LAMA2: variants seen among roughly 807,000 people sequenced by gnomAD.
LAMA2 encodes the protein laminin subunit alpha 2.
A neutral mutation model predicts 364.8 loss-of-function variants in LAMA2; 269 were observed. That is an observed-to-expected ratio of 0.74 (90% CI 0.67 to 0.82). LAMA2 has a LOEUF of 0.82. Among genes scored for constraint, LAMA2 ranks in the 40% least tolerant of loss-of-function variants. The probability of loss-of-function intolerance (pLI) is 0.00; values close to 1 mark genes in which losing one functional copy is unlikely to be tolerated. For synonymous variants in LAMA2, 1,379 were observed against 1,370.6 expected, an observed-to-expected ratio of 1.01 and a Z score of -0.14; for missense variants, 3,807 against 3,873.2, an observed-to-expected ratio of 0.98 and a Z score of 0.45.
At chr6:129,486,949 C>T (rs568870303) in intron 56 of LAMA2, among the ~76,000 whole-genome samples, 1 of 152,322 alleles carries the variant, frequency 6.6e-6, no homozygotes, top group East Asian at 1.9e-4. Context: ...AAGGTATGCA[C>T]ACAGCAAAAC....
At chr6:129,254,744 G>T (rs892732112) in intron 14 of LAMA2, among the ~76,000 whole-genome samples, 1 of 152,150 alleles carries the variant, frequency 6.6e-6, no homozygotes, top group Non-Finnish European at 1.5e-5. Flanking sequence ...CTTCTTTTAA[G>T]AATATAAGAG....
At chr6:128,991,815 G>T (rs1460104380) in intron 1 of LAMA2, among the ~76,000 whole-genome samples, 1 of 152,122 alleles carries the variant, frequency 6.6e-6, no homozygotes, top group Non-Finnish European at 1.5e-5. Flanking sequence ...ATCTGTACAT[G>T]TGTTTAATTT....
Position 129,287,991 on chromosome 6 carries a change from A to C in LAMA2, c.2682A>C (p.Thr894=). The change falls in exon 19 of 65, where the codon ACA becomes ACC. Residue 894 remains threonine, a synonymous_variant. Coordinates refer to ENST00000421865, the MANE Select transcript of LAMA2 (RefSeq NM_000426.4). ...GSCLICKPGT[T]GRYCELCADG... Reference sequence around the variant, plus strand: ...GTCTGATATGTAAACCAGGTACAACAGGCCGGTACTGTGAGCTCTGTGCTG... The same window carrying C: ...GTCTGATATGTAAACCAGGTACAACCGGCCGGTACTGTGAGCTCTGTGCTG... 2 of 1,614,120 alleles carry C rather than the reference A, an allele frequency of 1.2e-6. No individual in the cohort carries two copies. The highest frequency in any genetic ancestry group is 2.2e-5 in the East Asian group (1 of 44,886).
At chr6:129,047,330 C>T (rs9375611) in intron 1 of LAMA2, among the ~76,000 whole-genome samples, 144,941 of 152,330 alleles carry the variant, frequency 0.95, 69,035 homozygotes, top group East Asian at 0.97. Context: ...TTATGTCACA[C>T]TGACAGAATG....
chr6:129,025,170 G>C (rs1425205326), intron 1 of LAMA2, among the ~76,000 whole-genome samples: 5 of 152,060 alleles, frequency 3.3e-5, no homozygotes, highest in African/African-American at 1.2e-4. Context: ...AGACACAATT[G>C]AGGTTTTATA....
intron 31 of LAMA2, among the ~76,000 whole-genome samples, chr6:129,351,676 C>CATATAGAAATATAGAAA (rs1776861301): frequency 2.6e-5 from 4 of 151,922 alleles, no homozygotes; most frequent in Non-Finnish European, 5.9e-5. Flanking sequence ...CTTGAGTATC[C>CATATAGAAATATAGAAA]CTGTAATATA....
chr6:129,385,349 G>T (rs1052662105), intron 35 of LAMA2, among the ~76,000 whole-genome samples: 6 of 150,254 alleles, frequency 4.0e-5, no homozygotes, highest in Admixed American at 4.0e-4. Context: ...AAATAAGAAA[G>T]GGAGGGACGG....
At position 129,514,385 on chromosome 6, in the gene LAMA2, G is replaced by C. The variant is rs189360899; in HGVS notation, c.9001G>C (p.Val3001Leu). The C allele has an allele frequency of 1.7e-4, 270 of 1,613,020 alleles. No homozygotes were observed. The highest frequency in any genetic ancestry group is 2.3e-4 in the Admixed American group (14 of 59,984). Residue 3001 changes from valine (V) to leucine (L), a missense_variant, in exon 64 of 65, where the codon GTG (valine) becomes CTG (leucine). Physicochemically the swap from Val to Leu is conservative, Grantham distance 32 (BLOSUM62 1). This residue lies in a region of LAMA2 where 3,333 missense variants were observed against 3,345.7 expected (regional missense o/e 1.00). Coordinates refer to ENST00000421865, the MANE Select transcript of LAMA2 (RefSeq NM_000426.4). Reference protein sequence around the residue: ...EMIDEKLMFHVDNGAGRFTAV... With the variant: ...EMIDEKLMFHLDNGAGRFTAV... ...TCCTACTTTCCAGTTGATGTTTCAT[G>C]TGGACAATGGTGCGGGCAGATTCAC... is the stretch of plus-strand genomic sequence containing the variant.
At chr6:129,325,641 C>T (rs1020244883) in intron 28 of LAMA2, among the ~76,000 whole-genome samples, 9 of 151,486 alleles carry the variant, frequency 5.9e-5, no homozygotes, top group Admixed American at 1.3e-4. Context: ...CATCAGGATA[C>T]GAAATAAATC....
intron 48 of LAMA2, among the ~76,000 whole-genome samples, chr6:129,457,684 G>A (rs139216525): frequency 4.9e-4 from 74 of 152,144 alleles, no homozygotes; most frequent in African/African-American, 1.7e-3. Flanking sequence ...ACCCCAAAAA[G>A]TATGTCTTAG....
At chr6:129,373,197 G>A (rs73589111) in intron 34 of LAMA2, among the ~76,000 whole-genome samples, 3,240 of 152,236 alleles carry the variant, frequency 0.021, 118 homozygotes, top group African/African-American at 0.074. Flanking sequence ...TGTATCTAAA[G>A]ACTCATTGCC....
chr6:128,906,928 C>G (rs971223370), intron 1 of LAMA2, among the ~76,000 whole-genome samples: 4 of 151,650 alleles, frequency 2.6e-5, no homozygotes, highest in African/African-American at 9.7e-5. Flanking sequence ...TCAGGTTTGT[C>G]AAAGATCAGA....
intron 2 of LAMA2, among the ~76,000 whole-genome samples, chr6:129,056,242 T>A (rs1172345771): frequency 6.6e-6 from 1 of 152,240 alleles, no homozygotes; most frequent in African/African-American, 2.4e-5. Context: ...TTTATGGTTT[T>A]GATTCCCCAT....
At chr6:129,416,110 G>T (rs545601077) in intron 40 of LAMA2, among the ~76,000 whole-genome samples, 1 of 97,220 alleles carries the variant, frequency 1.0e-5, no homozygotes, top group Non-Finnish European at 2.0e-5. Context: ...CACTACGCCC[G>T]GCTAATTTTT....
intron 30 of LAMA2, among the ~76,000 whole-genome samples, chr6:129,343,159 C>G (rs1776361453): frequency 6.6e-6 from 1 of 152,126 alleles, no homozygotes; most frequent in South Asian, 2.1e-4. Flanking sequence ...CCTGCACTTT[C>G]TGTTAAGTGA....
intron 1 of LAMA2, among the ~76,000 whole-genome samples, chr6:128,991,894 G>A (rs1430303815): frequency 1.3e-5 from 2 of 152,126 alleles, no homozygotes; most frequent in African/African-American, 4.8e-5. Flanking sequence ...TCACAGTCCA[G>A]CAATTTTCTT....
intron 3 of LAMA2, among the ~76,000 whole-genome samples, chr6:129,087,035 C>A (rs368754797): frequency 1.3e-5 from 2 of 152,144 alleles, no homozygotes; most frequent in Non-Finnish European, 2.9e-5. Context: ...TTTTCAGGAC[C>A]CTTATGATTA....
At chr6:129,192,591 C>A in intron 11 of LAMA2, 89 bp from the exon 12 acceptor site, 1 of 1,322,228 alleles carries the variant, frequency 7.6e-7, no homozygotes, top group Non-Finnish European at 1.1e-6. Context: ...TTTTAATTTC[C>A]AAAAGTGGAC....
At chr6:129,471,414 A>G (rs1231326245) in intron 51 of LAMA2, among the ~76,000 whole-genome samples, 1 of 151,922 alleles carries the variant, frequency 6.6e-6, no homozygotes, top group Non-Finnish European at 1.5e-5. Context: ...TTTTCTTAGA[A>G]TGATTTCTAA....
Sources: allele counts gnomAD v4.1 joint callset (sites outside exome capture counted in the v4.1 genomes callset), GRCh38; gene constraint gnomAD v4.1.1; regional missense constraint gnomAD v4.1.1; transcripts MANE v1.5; gene names NCBI Gene and HGNC (gene_info 2026-07-23, HGNC 2026-07-21).